The following CLASP1 variants were observed in gnomAD, a reference collection of about 807,000 sequenced individuals.
CLASP1 encodes cytoplasmic linker associated protein 1, also known as CLIP-associating protein 1.
Under a neutral mutation model 192.3 loss-of-function variants are expected in CLASP1, and 38 were observed. The ratio of observed to expected loss-of-function variants is 0.20; its 90% CI spans 0.15 to 0.26. The LOEUF (loss-of-function observed/expected upper bound fraction) is 0.26. CLASP1 is among the 10% of genes least tolerant of loss of function. The pLI, the probability that CLASP1 is intolerant of heterozygous loss-of-function variation, is 1.00. For missense variants in CLASP1, 1,433 were observed against 1,932.5 expected (o/e 0.74, Z 4.85); for synonymous variants, 691 against 712.8 (o/e 0.97, Z 0.49).
intron 9 of CLASP1, 122 bp from the exon 10 acceptor site, chr2:121,462,727 A>C: frequency 1.6e-6 from 1 of 634,000 alleles, no homozygotes; most frequent in Non-Finnish European, 2.8e-6. Flanking sequence ...ATTTTTTTAA[A>C]AGGCTTCATA....
chr2:121,460,895 G>A (rs537382020), intron 11 of CLASP1, among the ~76,000 whole-genome samples: 4 of 152,152 alleles, frequency 2.6e-5, no homozygotes, highest in South Asian at 4.2e-4. Context: ...AAGACTAGGC[G>A]ATTCATAAAG....
chr2:121,402,526 C>G, intron 26 of CLASP1: 1 of 505,268 alleles, frequency 2.0e-6, no homozygotes, highest in Non-Finnish European at 3.9e-6. Flanking sequence ...AGTCATTCAG[C>G]TGTGGGATTC....
intron 1 of CLASP1, among the ~76,000 whole-genome samples, chr2:121,626,581 C>CT (rs34285133): frequency 9.3e-5 from 14 of 151,328 alleles, no homozygotes; most frequent in East Asian, 1.9e-4. Context: ...ATTTTGATTC[C>CT]TTTTTTTTTG....
At chr2:121,468,803 A>C (rs144154876) in intron 9 of CLASP1, among the ~76,000 whole-genome samples, 28 of 152,152 alleles carry the variant, frequency 1.8e-4, no homozygotes, top group African/African-American at 6.3e-4. Context: ...ATGCTCCTTT[A>C]GCTCAGTGAA....
chr2:121,522,979 A>G (rs1365662406), intron 6 of CLASP1, among the ~76,000 whole-genome samples: 1 of 152,224 alleles, frequency 6.6e-6, no homozygotes, highest in East Asian at 1.9e-4. Context: ...TCTTCTACTT[A>G]GACCAACAGG....
chr2:121,373,223 G>C (rs114727340), intron 34 of CLASP1, among the ~76,000 whole-genome samples: 1 of 151,958 alleles, frequency 6.6e-6, no homozygotes, highest in East Asian at 1.9e-4. Context: ...TTCCCCCTTC[G>C]CTCTCTCTCT....
intron 19 of CLASP1, among the ~76,000 whole-genome samples, chr2:121,443,184 A>G (rs1184522159): frequency 6.6e-6 from 1 of 152,114 alleles, no homozygotes; most frequent in African/African-American, 2.4e-5. Flanking sequence ...TATAAAAAAC[A>G]ATTTCTCCCA....
intron 8 of CLASP1, among the ~76,000 whole-genome samples, chr2:121,483,524 G>C (rs574739297): frequency 6.6e-6 from 1 of 151,440 alleles, no homozygotes; most frequent in Non-Finnish European, 1.5e-5. Context: ...ATATATGTGT[G>C]TGTATATATA....
intron 8 of CLASP1, among the ~76,000 whole-genome samples, chr2:121,494,159 T>C (rs957546518): frequency 6.6e-6 from 1 of 152,242 alleles, no homozygotes; most frequent in African/African-American, 2.4e-5. Flanking sequence ...CCATGTTTAC[T>C]GCAGCACTGT....
At chr2:121,474,951 C>G (rs1206253334) in intron 8 of CLASP1, among the ~76,000 whole-genome samples, 1 of 152,146 alleles carries the variant, frequency 6.6e-6, no homozygotes, top group African/African-American at 2.4e-5. Flanking sequence ...AATAAGTGAG[C>G]TGAAGGCCTA....
intron 2 of CLASP1, among the ~76,000 whole-genome samples, chr2:121,550,256 A>G (rs2057910663): frequency 6.6e-6 from 1 of 152,166 alleles, no homozygotes; most frequent in Non-Finnish European, 1.5e-5. Flanking sequence ...GACAGTGTTA[A>G]GACAGTAATT....
intron 2 of CLASP1, among the ~76,000 whole-genome samples, chr2:121,604,972 T>C (rs1429329852): frequency 1.3e-5 from 2 of 152,154 alleles, no homozygotes; most frequent in Admixed American, 6.5e-5. Context: ...AAAGAGAGCA[T>C]AAGGGGATGA....
Position 121,608,699 on chromosome 2 carries a change from ATTG to A in CLASP1, c.-285-2522_-285-2520del, listed in dbSNP as rs375694470. ...ACAGAATTATGAGAAATAACATTTC[ATTG>A]TTGTTTTATTTAAGCCACTAAATTC... On this transcript the variant is annotated intron_variant, in intron 1 of 39. Transcript: ENST00000263710. Among the ~76,000 whole-genome samples, 40 of 152,338 alleles carry A rather than the reference ATTG, an allele frequency of 2.6e-4. No homozygotes were observed. In the East Asian group the frequency reaches 7.5e-3, roughly 29 times the overall value.
chr2:121,373,755 T>C (rs2069293225), intron 34 of CLASP1, among the ~76,000 whole-genome samples: 1 of 152,148 alleles, frequency 6.6e-6, no homozygotes, highest in South Asian at 2.1e-4. Flanking sequence ...AGAGAGATGA[T>C]TTAGGGTATC....
At chr2:121,365,181 C>T in exon 36 of CLASP1, 1 of 1,613,872 alleles carries the variant, frequency 6.2e-7, no homozygotes. Context: ...CCCGCGTGAT[C>T]TTGAGCAGCT....
At chr2:121,518,610 G>A (rs1295031408) in intron 6 of CLASP1, among the ~76,000 whole-genome samples, 1 of 152,140 alleles carries the variant, frequency 6.6e-6, no homozygotes, top group African/African-American at 2.4e-5. Flanking sequence ...GCTCATGCCT[G>A]TAATCCCAGC....
intron 1 of CLASP1, among the ~76,000 whole-genome samples, chr2:121,644,713 C>A (rs770879115): frequency 2.5e-4 from 38 of 152,210 alleles, no homozygotes; most frequent in Admixed American, 6.5e-4. Flanking sequence ...TAGGCCAAGG[C>A]AGGAGGATCA....
chr2:121,375,361 A>AT (rs34714381), intron 34 of CLASP1, among the ~76,000 whole-genome samples: 8,934 of 116,912 alleles, frequency 0.076, 562 homozygotes, highest in East Asian at 0.16. Flanking sequence ...CTAGTTTCTG[A>AT]TTTTTTTTTT....
intron 1 of CLASP1, among the ~76,000 whole-genome samples, chr2:121,642,588 C>T (rs773146817): frequency 1.3e-4 from 19 of 151,716 alleles, no homozygotes; most frequent in African/African-American, 3.9e-4. Flanking sequence ...AAGAATGAGC[C>T]GGGCGTGGTG....
Sources: allele counts gnomAD v4.1 joint callset (sites outside exome capture counted in the v4.1 genomes callset), GRCh38; gene constraint gnomAD v4.1.1; transcripts MANE v1.5; gene names NCBI Gene and HGNC (gene_info 2026-07-23, HGNC 2026-07-21).